The following SACM1L variants were observed in gnomAD, a reference collection of about 807,000 sequenced individuals.
The protein encoded by SACM1L is phosphatidylinositol-3-phosphatase SAC1.
Under a neutral mutation model 89.5 loss-of-function variants are expected in SACM1L, and 32 were observed. That is an observed-to-expected ratio of 0.36 (90% CI 0.27 to 0.48). The LOEUF is 0.48. SACM1L is among the 20% of genes least tolerant of loss of function. The pLI is 0.99. For missense variants in SACM1L, 543 were observed against 708.5 expected, an observed-to-expected ratio of 0.77 and a Z score of 2.65; for synonymous variants, 213 against 232.8, an observed-to-expected ratio of 0.92 and a Z score of 0.77.
At chr3:45,739,491 A>T in intron 18 of SACM1L, 96 bp from the exon 19 acceptor site, 1 of 1,019,176 alleles carries the variant, frequency 9.8e-7, no homozygotes, top group Non-Finnish European at 1.6e-6. Context: ...CTGACAGATG[A>T]GTTTTATTCT....
chr3:45,725,092 T>C lies in SACM1L; in HGVS notation c.921+1549T>C, dbSNP rs533957202. Among the ~76,000 whole-genome samples the C allele has an allele frequency of 8.5e-5, 13 of 152,350 alleles. No homozygotes were observed. In the South Asian group the frequency reaches 1.7e-3, roughly 19 times the overall value. On this transcript the variant is annotated intron_variant, in intron 11 of 19. Coordinates refer to ENST00000389061, the MANE Select transcript of SACM1L (RefSeq NM_014016.5). ...CACTATTTTGGTTACTACAGCTTTG[T>C]GTAATAAGTTTTAAAATCGGGAAGT... is the stretch of plus-strand genomic sequence containing the variant.
chr3:45,743,482 T>G (rs75135519), intron 19 of SACM1L, 51 bp from the exon 20 acceptor site: 2 of 423,978 alleles, frequency 4.7e-6, no homozygotes, highest in South Asian at 2.8e-5. Flanking sequence ...GAAAACTGGG[T>G]CTGATATCAA....
Position 45,739,567 on chromosome 3 carries a change from C to G in SACM1L, c.1570-20C>G, listed in dbSNP as rs758006271. Reference sequence around the variant, plus strand: ...GATTAGCATTCTTAAATGATGATCTCTTTCTATTGTCTTTTCCAGTTGCCT... The same window carrying G: ...GATTAGCATTCTTAAATGATGATCTGTTTCTATTGTCTTTTCCAGTTGCCT... On this transcript the variant is annotated intron_variant, in intron 18 of 19. Coordinates refer to ENST00000389061, the MANE Select transcript of SACM1L (RefSeq NM_014016.5). The G allele has an allele frequency of 1.2e-6, 2 of 1,612,358 alleles. No homozygotes were observed. Among genetic ancestry groups the G allele is most frequent in the South Asian group, 1.1e-5 (1 of 91,060 alleles).
At chr3:45,723,579 C>A in intron 11 of SACM1L, 36 bp downstream of exon 11, 2 of 1,182,862 alleles carry the variant, frequency 1.7e-6, no homozygotes, top group South Asian at 1.8e-5. Context: ...GAAAAAAAAG[C>A]CTTAACTTTT....
At chr3:45,735,440 C>T in intron 14 of SACM1L, 67 bp downstream of exon 14, 2 of 1,443,292 alleles carry the variant, frequency 1.4e-6, no homozygotes, top group Admixed American at 2.6e-5. Flanking sequence ...CTTTAAAACC[C>T]AGTAACAAAA....
intron 12 of SACM1L, among the ~76,000 whole-genome samples, 159 bp downstream of exon 12, chr3:45,731,539 T>A (rs374269996): frequency 8.5e-5 from 13 of 152,226 alleles, no homozygotes; most frequent in Admixed American, 7.2e-4. Context: ...TTCTCTAGCA[T>A]AATTTATGTT....
At chr3:45,708,189 AT>A (rs1698443256) in intron 4 of SACM1L, among the ~76,000 whole-genome samples, 1 of 152,116 alleles carries the variant, frequency 6.6e-6, no homozygotes, top group African/African-American at 2.4e-5. Context: ...TAACATGGTA[AT>A]TTTTACATTC....
chr3:45,719,151 A>G (rs1312301261), intron 7 of SACM1L, among the ~76,000 whole-genome samples: 1 of 152,118 alleles, frequency 6.6e-6, no homozygotes, highest in African/African-American at 2.4e-5. Flanking sequence ...TTGAAAGTTA[A>G]TCTATTTTAA....
At chr3:45,715,545 G>A (rs1180661662) in intron 7 of SACM1L, among the ~76,000 whole-genome samples, 1 of 152,136 alleles carries the variant, frequency 6.6e-6, no homozygotes, top group Non-Finnish European at 1.5e-5. Flanking sequence ...GGAGGCCAAG[G>A]CCGGCAGATC....
intron 13 of SACM1L, among the ~76,000 whole-genome samples, chr3:45,733,857 A>C (rs1559551087): frequency 6.6e-6 from 1 of 152,224 alleles, no homozygotes; most frequent in African/African-American, 2.4e-5. Flanking sequence ...TAAGTTGCGT[A>C]TGATGCTAAG....
At chr3:45,738,106 A>G (rs1407798606) in intron 16 of SACM1L, among the ~76,000 whole-genome samples, 1 of 152,228 alleles carries the variant, frequency 6.6e-6, no homozygotes, top group Non-Finnish European at 1.5e-5. Flanking sequence ...CTTACCGTGT[A>G]CCTGAAGCAC....
chr3:45,727,410 A>G (rs1278409872), intron 11 of SACM1L, among the ~76,000 whole-genome samples: 1 of 151,984 alleles, frequency 6.6e-6, no homozygotes, highest in East Asian at 1.9e-4. Context: ...ATGTGTTAAA[A>G]CTTGTTTTTT....
intron 7 of SACM1L, 28 bp from the exon 8 acceptor site, chr3:45,719,472 A>G (rs376327241): frequency 9.5e-5 from 117 of 1,232,406 alleles, no homozygotes; most frequent in Admixed American, 7.6e-5. Flanking sequence ...TTTCTATTAT[A>G]TGTTATATTT....
intron 11 of SACM1L, among the ~76,000 whole-genome samples, chr3:45,728,850 T>C (rs1346249004): frequency 2.6e-5 from 4 of 152,056 alleles, no homozygotes; most frequent in Admixed American, 2.0e-4. Context: ...TTTTTTTGTT[T>C]TTTATAGAGA....
At chr3:45,695,997 CTTTTT>C (rs56074379) in intron 1 of SACM1L, among the ~76,000 whole-genome samples, 2 of 134,226 alleles carry the variant, frequency 1.5e-5, no homozygotes, top group African/African-American at 2.7e-5. Flanking sequence ...TCAGAATTTC[CTTTTT>C]TTTTTTTTTT....
chr3:45,697,979 A>G (rs1280004833), intron 1 of SACM1L, among the ~76,000 whole-genome samples: 1 of 152,244 alleles, frequency 6.6e-6, no homozygotes, highest in African/African-American at 2.4e-5. Flanking sequence ...GTAATATGAT[A>G]GCTTGTTTGG....
At chr3:45,698,896 G>C (rs147201916) in intron 1 of SACM1L, among the ~76,000 whole-genome samples, 1 of 151,968 alleles carries the variant, frequency 6.6e-6, no homozygotes, top group Non-Finnish European at 1.5e-5. Flanking sequence ...TCAGCCTCCC[G>C]AGTAGCTGGG....
Position 45,723,478 on chromosome 3 carries a change from G to C in SACM1L, c.856G>C (p.Asp286His). The C allele has an allele frequency of 6.8e-7, 1 of 1,463,822 alleles. No individual in the cohort carries two copies. Among genetic ancestry groups the C allele is most frequent in the East Asian group, 2.5e-5 (1 of 39,654 alleles). 90.7% of individuals were successfully genotyped at this position (1,463,822 alleles called of 1,614,324 possible). The change falls in exon 11 of 20, where the codon GAC (aspartate) becomes CAC (histidine). Residue 286 changes from aspartate (D) to histidine (H), a missense_variant. This residue lies in a region of SACM1L where 370 missense variants were observed against 527.6 expected (regional missense o/e 0.70). Transcript: ENST00000389061. ...PQISKVANHM[D>H]GFQRHFDSQV... ...TATGTAACTTTTTCCTCTCTAGATG[G>C]ACGGTTTCCAAAGGCATTTTGATTC...
intron 19 of SACM1L, among the ~76,000 whole-genome samples, chr3:45,741,225 T>C (rs971509885): frequency 6.6e-5 from 10 of 152,262 alleles, no homozygotes; most frequent in African/African-American, 1.9e-4. Flanking sequence ...ATTCATATGC[T>C]CCCCTCTCAC....
Sources: allele counts gnomAD v4.1 joint callset (sites outside exome capture counted in the v4.1 genomes callset), GRCh38; gene constraint gnomAD v4.1.1; regional missense constraint gnomAD v4.1.1; transcripts MANE v1.5; gene names NCBI Gene and HGNC (gene_info 2026-07-23, HGNC 2026-07-21).